DOCK11: variants seen among roughly 807,000 people sequenced by gnomAD.
DOCK11 encodes dedicator of cytokinesis protein 11.
DOCK11 carries 70 observed loss-of-function variants against 169.1 expected under a neutral mutation model. The ratio of observed to expected loss-of-function variants is 0.41; its 90% CI spans 0.34 to 0.51. The LOEUF is 0.51. Ranked by LOEUF, DOCK11 falls within the 20% of genes least tolerant of loss-of-function variation. The pLI is 0.10. For missense variants in DOCK11, 1,166 were observed against 1,538.8 expected, an observed-to-expected ratio of 0.76 and a Z score of 4.05; for synonymous variants, 529 against 541.3, an observed-to-expected ratio of 0.98 and a Z score of 0.32.
intron 52 of DOCK11, among the ~76,000 whole-genome samples, chrX:118,684,427 C>CA (rs2016815275): frequency 9.2e-6 from 1 of 108,571 alleles, no homozygotes; most frequent in African/African-American, 3.4e-5. Context: ...CACGTGCCAC[C>CA]ACGCCTGGCT....
intron 45 of DOCK11, among the ~76,000 whole-genome samples, chrX:118,669,582 G>C (rs765726403): frequency 2.7e-5 from 3 of 111,355 alleles, no homozygotes; most frequent in Admixed American, 9.5e-5. Flanking sequence ...TGAGGGCTCT[G>C]CCCTCATGAC....
intron 1 of DOCK11, among the ~76,000 whole-genome samples, chrX:118,522,841 C>T (rs940114115): frequency 1.8e-5 from 2 of 111,639 alleles, no homozygotes; most frequent in Non-Finnish European, 3.8e-5. Context: ...TCTCAATATT[C>T]ACAGGTCCCG....
intron 1 of DOCK11, among the ~76,000 whole-genome samples, chrX:118,535,707 T>G (rs1341593548): frequency 8.9e-6 from 1 of 111,808 alleles, no homozygotes; most frequent in African/African-American, 3.3e-5. Context: ...GCCGTTTACT[T>G]TAAGAAAGGT....
At chrX:118,503,613 C>G (rs1420946788) in intron 1 of DOCK11, among the ~76,000 whole-genome samples, 1 of 110,805 alleles carries the variant, frequency 9.0e-6, no homozygotes, top group Admixed American at 9.6e-5. Flanking sequence ...AGGGAGTTGT[C>G]AGGGCAAAGC....
intron 1 of DOCK11, among the ~76,000 whole-genome samples, chrX:118,528,611 C>T (rs948938659): frequency 2.7e-5 from 3 of 111,209 alleles, no homozygotes; most frequent in Admixed American, 1.9e-4. Context: ...CTTATGGTAA[C>T]ATTTGCAGGG....
intron 36 of DOCK11, among the ~76,000 whole-genome samples, chrX:118,636,872 T>C (rs1274390922): frequency 1.8e-5 from 2 of 111,923 alleles, no homozygotes; most frequent in African/African-American, 6.5e-5. Context: ...CACGTGTATA[T>C]GTATGTATTC....
At chrX:118,612,875 T>G (rs751776169) in intron 28 of DOCK11, among the ~76,000 whole-genome samples, 15 of 112,012 alleles carry the variant, frequency 1.3e-4, no homozygotes, top group Non-Finnish European at 2.8e-4. Flanking sequence ...GTTAAGGAAT[T>G]TGGACTTTGA....
At chrX:118,520,012 C>T (rs1224281567) in intron 1 of DOCK11, among the ~76,000 whole-genome samples, 1 of 111,209 alleles carries the variant, frequency 9.0e-6, no homozygotes, top group Non-Finnish European at 1.9e-5. Context: ...TAAATAATAC[C>T]CTTGTCACTC....
intron 1 of DOCK11, among the ~76,000 whole-genome samples, chrX:118,531,801 C>T (rs1052526977): frequency 1.2e-4 from 12 of 100,408 alleles, no homozygotes; most frequent in Non-Finnish European, 1.2e-4. Flanking sequence ...TCAGGTGATC[C>T]GCCCGCATCA....
chrX:118,617,750 G>T (rs914486714), intron 30 of DOCK11, among the ~76,000 whole-genome samples: 20 of 110,202 alleles, frequency 1.8e-4, no homozygotes, highest in African/African-American at 6.6e-4. Context: ...GGGCATGGTG[G>T]TGCACGTCTA....
intron 39 of DOCK11, among the ~76,000 whole-genome samples, chrX:118,642,461 A>G (rs940127955): frequency 2.7e-5 from 3 of 112,342 alleles, no homozygotes; most frequent in African/African-American, 9.7e-5. Context: ...TATGGTTTGT[A>G]AATTATATCT....
chrX:118,539,537 G>A (rs1341730548), intron 1 of DOCK11, among the ~76,000 whole-genome samples: 5 of 111,065 alleles, frequency 4.5e-5, no homozygotes, highest in Non-Finnish European at 9.4e-5. Flanking sequence ...TGCTGAATAT[G>A]CCTAATAATT....
At chrX:118,536,355 C>G (rs139610187) in intron 1 of DOCK11, among the ~76,000 whole-genome samples, 1 of 111,251 alleles carries the variant, frequency 9.0e-6, no homozygotes, top group East Asian at 2.8e-4. Flanking sequence ...GTATAGGGTT[C>G]CTCTCTAGAA....
At chrX:118,649,717 G>A (rs778591048) in intron 41 of DOCK11, among the ~76,000 whole-genome samples, 1 of 110,403 alleles carries the variant, frequency 9.1e-6, no homozygotes, top group Non-Finnish European at 1.9e-5. Flanking sequence ...GTTTCACCAT[G>A]TTGGCCAGGC....
At chrX:118,641,742 G>A (rs2015539089) in intron 39 of DOCK11, among the ~76,000 whole-genome samples, 2 of 110,938 alleles carry the variant, frequency 1.8e-5, no homozygotes, top group South Asian at 3.8e-4. Context: ...TTGCCTCTCA[G>A]TGCAAATCAT....
Position 118,566,043 on chromosome X carries a change from G to A in DOCK11, c.732G>A (p.Met244Ile). The change falls in exon 8 of 53, where the codon ATG (methionine) becomes ATA (isoleucine). Residue 244 changes from methionine (M) to isoleucine (I), a missense_variant. Physicochemically the swap from Met to Ile is conservative, Grantham distance 10. Coordinates refer to ENST00000276202, the MANE Select transcript of DOCK11 (RefSeq NM_144658.4). ...GCCGTCATGCTTTTGAACTCAAGAT[G>A]TTAGATAAATATAGCCATTATCTGG... ...KMRRHAFELK[M>I]LDKYSHYLAA... 1 of 1,211,258 alleles carries A rather than the reference G, an allele frequency of 8.3e-7. No individual in the cohort carries two copies. The highest frequency in any genetic ancestry group is 1.1e-6 in the Non-Finnish European group (1 of 895,270).
intron 45 of DOCK11, among the ~76,000 whole-genome samples, chrX:118,667,585 T>A (rs1004131267): frequency 9.0e-6 from 1 of 111,339 alleles, no homozygotes; most frequent in African/African-American, 3.3e-5. Flanking sequence ...CCCATCTTGA[T>A]GCCAATATCA....
chrX:118,585,846 AC>A (rs2013800005), intron 16 of DOCK11, among the ~76,000 whole-genome samples: 1 of 112,156 alleles, frequency 8.9e-6, no homozygotes, highest in Non-Finnish European at 1.9e-5. Flanking sequence ...AAAATAGAAG[AC>A]ACAAAACACA....
chrX:118,565,141 G>A (rs907802451), intron 7 of DOCK11, among the ~76,000 whole-genome samples: 11 of 109,271 alleles, frequency 1.0e-4, no homozygotes, highest in East Asian at 2.8e-4. Flanking sequence ...AGGTTTCACC[G>A]CTTTGCTCAG....
Sources: gnomAD v4.1 joint callset for allele counts (sites outside exome capture counted in the v4.1 genomes callset) on GRCh38, gnomAD v4.1.1 for gene constraint, MANE v1.5 for transcripts, NCBI Gene and HGNC (gene_info 2026-07-23, HGNC 2026-07-21) for gene names.